The following PCNX4 variants were observed in gnomAD, a reference collection of about 807,000 sequenced individuals.
PCNX4 encodes the protein pecanex-like protein 4.
Under a neutral mutation model 107.2 loss-of-function variants are expected in PCNX4, and 103 were observed. The ratio of observed to expected loss-of-function variants is 0.96; its 90% CI spans 0.82 to 1.13. The LOEUF (loss-of-function observed/expected upper bound fraction) is 1.13, where lower values mean the gene tolerates loss of function less well. PCNX4 is among the 50% of genes most tolerant of loss of function. The pLI is 0.00. For missense variants in PCNX4, 1,528 were observed against 1,379.4 expected (o/e 1.11, Z -1.71); for synonymous variants, 541 against 481.7 (o/e 1.12, Z -1.61).
rs943966277 is a variant in PCNX4, at chr14:60,102,803, T to C, written c.-53-4783T>C. ...TCAGAACTATGTGCCAAATTCTCAC[T>C]TGGGGAGTACATTTTAGTTATTGTG... On this transcript the variant is annotated intron_variant, in intron 1 of 10. Coordinates refer to ENST00000406854, the MANE Select transcript of PCNX4 (RefSeq NM_001330177.2). 3.9e-5 allele frequency among the ~76,000 whole-genome samples: 6 copies of C among 152,314 alleles called. No individual in the cohort carries two copies. In the East Asian group the frequency reaches 5.8e-4, roughly 15 times the overall value.
At position 60,133,834 on chromosome 14, in the gene PCNX4, T is replaced by A. The variant is rs1430961373; in HGVS notation, c.3268-136T>A. 3 of 807,924 alleles carry A rather than the reference T, an allele frequency of 3.7e-6. No homozygotes were observed. The Admixed American group carries it at 8.4e-5, about 23-fold the overall frequency. 50.0% of individuals were successfully genotyped at this position (807,924 alleles called of 1,614,324 possible). On this transcript the variant is annotated intron_variant, in intron 10 of 10. Coordinates refer to ENST00000406854, the MANE Select transcript of PCNX4 (RefSeq NM_001330177.2). ...GCAACTTGTGTACATTTTTAAACACTACTTTCTGTTTTTTGAACTTGGGAA... is the reference window on the plus strand; with the variant it reads ...GCAACTTGTGTACATTTTTAAACACAACTTTCTGTTTTTTGAACTTGGGAA...
Position 60,139,198 on chromosome 14 carries a change from C to T in PCNX4, c.*4977C>T, listed in dbSNP as rs1001855640. 1 of 151,802 alleles carries T rather than the reference C, an allele frequency of 6.6e-6. No homozygotes were observed. Among genetic ancestry groups the T allele is most frequent in the South Asian group, 2.1e-4 (1 of 4,816 alleles). The allele number at this position is 151,802 out of a possible 1,614,324, so 9.4% of individuals were successfully genotyped here. A position where few individuals can be genotyped will look rare whatever the true frequency, so the allele number is the denominator to read the frequency against. ...TCATCAAAGTGAAAAGAAAGAAAAC[C>T]CACAAAGTACCTTTATGCAAGAGAT... On this transcript the variant is annotated 3_prime_UTR_variant, in exon 11 of 11. Transcript: ENST00000406854.
chr14:60,101,897 C>T (rs928110730), intron 1 of PCNX4, among the ~76,000 whole-genome samples: 1 of 152,050 alleles, frequency 6.6e-6, no homozygotes, highest in African/African-American at 2.4e-5. Context: ...ATTATTCAGC[C>T]TTAAAAAAAG....
chr14:60,140,986 T>A lies in PCNX4; in HGVS notation c.*6765T>A, dbSNP rs1896300117. The A allele has an allele frequency of 6.6e-6, 1 of 152,208 alleles. No individual in the cohort carries two copies. Among genetic ancestry groups the A allele is most frequent in the Non-Finnish European group, 1.5e-5 (1 of 68,032 alleles). The allele number at this position is 152,208 out of a possible 1,614,324, so 9.4% of individuals were successfully genotyped here. A position where few individuals can be genotyped will look rare whatever the true frequency, so the allele number is the denominator to read the frequency against. ...TTTGGCTATGTAAGTGGCCAAATAC[T>A]GCATAGGCAAGGGACAGGGAAAATT... On this transcript the variant is annotated 3_prime_UTR_variant, in exon 11 of 11. Coordinates refer to ENST00000406854, the MANE Select transcript of PCNX4 (RefSeq NM_001330177.2). The surrounding 1 kb of genome is among the most constrained non-coding windows in gnomAD (Gnocchi z 4.2).
chr14:60,094,932 A>C (rs1019912787), intron 1 of PCNX4, among the ~76,000 whole-genome samples: 20 of 152,142 alleles, frequency 1.3e-4, no homozygotes, highest in Non-Finnish European at 4.4e-5. Flanking sequence ...AAATTAATTT[A>C]TTTCTAGTAA....
In PCNX4 at chr14:60,118,428, A is replaced by G. The variant is rs1039749793; in HGVS notation, c.1678A>G (p.Lys560Glu). 3 of 1,613,532 alleles carry G rather than the reference A, an allele frequency of 1.9e-6. No homozygotes were observed. Among genetic ancestry groups the G allele is most frequent in the Admixed American group, 3.3e-5 (2 of 59,860 alleles). ...ATGGACAGAGAAAAAACAACGTCGA[A>G]AAACAACTGCCACTTTATGTATACT... ...TSWTEKKQRR[K>E]TTATLCILNI... is the part of the protein sequence containing the mutation. Residue 560 changes from lysine (K) to glutamate (E), a missense_variant, in exon 7 of 11, where the codon AAA becomes GAA. Coordinates refer to ENST00000406854, the MANE Select transcript of PCNX4 (RefSeq NM_001330177.2).
chr14:60,140,786 A>C lies in PCNX4; in HGVS notation c.*6565A>C, dbSNP rs1896297683. 6.6e-6 allele frequency: 1 copy of C among 152,178 alleles called. No homozygotes were observed. The allele number at this position is 152,178 out of a possible 1,614,324, so 9.4% of individuals were successfully genotyped here. On this transcript the variant is annotated 3_prime_UTR_variant, in exon 11 of 11. Coordinates refer to ENST00000406854, the MANE Select transcript of PCNX4 (RefSeq NM_001330177.2). This position sits in a 1 kb window ranked among gnomAD's most constrained non-coding sequence, Gnocchi z 4.2. ...AAAAGTATTTGATAAACCAGTATCCACTCATAAAAAGTTTGCTTTTTAATA... is the reference window on the plus strand; with the variant it reads ...AAAAGTATTTGATAAACCAGTATCCCCTCATAAAAAGTTTGCTTTTTAATA...
chr14:60,125,827 AG>A lies in PCNX4; in HGVS notation c.3267+6del. On this transcript the variant is annotated splice_donor_5th_base_variant and intron_variant, in intron 10 of 10. Coordinates refer to ENST00000406854, the MANE Select transcript of PCNX4 (RefSeq NM_001330177.2). ...TCTGGGGTATGATTCTAATATGGTA[AG>A]GTTAAAAAATTTTTAAACTTACATA... The A allele has an allele frequency of 1.3e-6, 2 of 1,585,862 alleles. No homozygotes were observed. The highest frequency in any genetic ancestry group is 1.7e-6 in the Non-Finnish European group (2 of 1,169,152).
At chr14:60,101,165 C>T (rs1206227011) in intron 1 of PCNX4, among the ~76,000 whole-genome samples, 3 of 152,116 alleles carry the variant, frequency 2.0e-5, no homozygotes, top group Non-Finnish European at 4.4e-5. Context: ...TCTGGAAGCC[C>T]CTTCTTTGAG....
rs1164755140 is a variant in PCNX4, at chr14:60,144,317, T to C, written c.*10096T>C. 2 of 152,458 alleles carry C rather than the reference T, an allele frequency of 1.3e-5. No individual in the cohort carries two copies. Among genetic ancestry groups the C allele is most frequent in the Non-Finnish European group, 2.9e-5 (2 of 68,220 alleles). The allele number at this position is 152,458 out of a possible 1,614,324, so 9.4% of individuals were successfully genotyped here. ...TTGTGTGAAATATTCTATACATTTA[T>C]GTTGCTATGGTTTGGATGTTTTTGT... On this transcript the variant is annotated 3_prime_UTR_variant, in exon 11 of 11. Coordinates refer to ENST00000406854, the MANE Select transcript of PCNX4 (RefSeq NM_001330177.2).
chr14:60,107,933 A>G lies in PCNX4; in HGVS notation c.295A>G (p.Thr99Ala), dbSNP rs371473899. ...FTSLYAKNKS[T>A]TVERILTTDI... ...AAGTTTATACGCCAAAAACAAATCAACAACAGTAGAAAGAATACTAACCAC... is the reference window on the plus strand; with the variant it reads ...AAGTTTATACGCCAAAAACAAATCAGCAACAGTAGAAAGAATACTAACCAC... Residue 99 changes from threonine (T) to alanine (A), a missense_variant, in exon 2 of 11, where the codon ACA (threonine) becomes GCA (alanine). Physicochemically the swap from Thr to Ala is moderately conservative, Grantham distance 58 (BLOSUM62 0). Coordinates refer to ENST00000406854, the MANE Select transcript of PCNX4 (RefSeq NM_001330177.2). 1.5e-4 allele frequency: 234 copies of G among 1,612,900 alleles called. 3 individuals are homozygous for G. The highest frequency in any genetic ancestry group is 7.7e-4 in the South Asian group (70 of 91,084).
intron 1 of PCNX4, among the ~76,000 whole-genome samples, chr14:60,103,788 C>T (rs1895577688): frequency 6.6e-6 from 1 of 152,192 alleles, no homozygotes; most frequent in Non-Finnish European, 1.5e-5. Flanking sequence ...TAAAATTCTC[C>T]AGTCATTTCC....
chr14:60,104,997 GTT>G (rs1453125738), intron 1 of PCNX4, among the ~76,000 whole-genome samples: 2 of 152,098 alleles, frequency 1.3e-5, no homozygotes, highest in Non-Finnish European at 2.9e-5. Flanking sequence ...GACCAGAAGT[GTT>G]TTGGATTTGG....
Position 60,125,829 on chromosome 14 carries a change from G to T in PCNX4, c.3267+6G>T, listed in dbSNP as rs1566519390. On this transcript the variant is annotated splice_donor_region_variant and intron_variant, in intron 10 of 10. Coordinates refer to ENST00000406854, the MANE Select transcript of PCNX4 (RefSeq NM_001330177.2). ...TGGGGTATGATTCTAATATGGTAAG[G>T]TTAAAAAATTTTTAAACTTACATAT... is the stretch of plus-strand genomic sequence containing the variant. The T allele has an allele frequency of 6.3e-7, 1 of 1,580,600 alleles. No homozygotes were observed. Among genetic ancestry groups the T allele is most frequent in the Non-Finnish European group, 8.6e-7 (1 of 1,166,062 alleles).
intron 2 of PCNX4, 93 bp downstream of exon 2, chr14:60,108,420 A>G: frequency 1.1e-6 from 1 of 951,006 alleles, no homozygotes; most frequent in Non-Finnish European, 1.6e-6. Context: ...AAATGAATCC[A>G]TGGATTAAAA....
At chr14:60,093,518 A>T (rs909913523) in intron 1 of PCNX4, among the ~76,000 whole-genome samples, 11 of 152,216 alleles carry the variant, frequency 7.2e-5, no homozygotes, top group African/African-American at 2.4e-4. Flanking sequence ...CATGTTGTAG[A>T]ATGTATGAGT....
chr14:60,113,337 A>G (rs964435533), intron 2 of PCNX4, among the ~76,000 whole-genome samples: 1 of 152,212 alleles, frequency 6.6e-6, no homozygotes, highest in African/African-American at 2.4e-5. Flanking sequence ...TCTTAAGTGG[A>G]TAATTATTTC....
At chr14:60,113,638 G>A (rs866673929) in intron 2 of PCNX4, among the ~76,000 whole-genome samples, 1 of 152,058 alleles carries the variant, frequency 6.6e-6, no homozygotes. Flanking sequence ...CAAAGTGCTG[G>A]GATTACAGGT....
Position 60,140,815 on chromosome 14 carries a change from A to G in PCNX4, c.*6594A>G, listed in dbSNP as rs1193748923. ...ATAAAAAGTTTGCTTTTTAATATTC[A>G]TCTTTATTTTTCTTATCTTGAGTAT... On this transcript the variant is annotated 3_prime_UTR_variant, in exon 11 of 11. Coordinates refer to ENST00000406854, the MANE Select transcript of PCNX4 (RefSeq NM_001330177.2). This position sits in a 1 kb window ranked among gnomAD's most constrained non-coding sequence, Gnocchi z 4.2. The G allele has an allele frequency of 6.6e-6, 1 of 152,160 alleles. No homozygotes were observed. Among genetic ancestry groups the G allele is most frequent in the Non-Finnish European group, 1.5e-5 (1 of 68,028 alleles). 9.4% of individuals were successfully genotyped at this position (152,160 alleles called of 1,614,324 possible). A position where few individuals can be genotyped will look rare whatever the true frequency, so the allele number is the denominator to read the frequency against.
Sources: allele counts gnomAD v4.1 joint callset (sites outside exome capture counted in the v4.1 genomes callset), GRCh38; gene constraint gnomAD v4.1.1; non-coding constraint Gnocchi (gnomAD v3.1); transcripts MANE v1.5; gene names NCBI Gene and HGNC (gene_info 2026-07-23, HGNC 2026-07-21).